The following OSBPL8 variants were observed in gnomAD, a reference collection of about 807,000 sequenced individuals.
The protein encoded by OSBPL8 is oxysterol-binding protein-related protein 8.
In OSBPL8, 59 loss-of-function variants were observed where a neutral mutation model predicts 125.5. The ratio of observed to expected loss-of-function variants is 0.47; its 90% CI spans 0.38 to 0.58. The LOEUF (loss-of-function observed/expected upper bound fraction) is 0.58, where lower values mean the gene tolerates loss of function less well. OSBPL8 is among the 20% of genes least tolerant of loss of function. OSBPL8 has a pLI of 0.00. For missense variants in OSBPL8, 758 were observed against 1,047.8 expected, an observed-to-expected ratio of 0.72 and a Z score of 3.82; for synonymous variants, 330 against 338.9, an observed-to-expected ratio of 0.97 and a Z score of 0.29.
intron 4 of OSBPL8, among the ~76,000 whole-genome samples, chr12:76,437,038 G>A (rs1871541681): frequency 1.3e-5 from 2 of 151,880 alleles, no homozygotes; most frequent in Admixed American, 1.3e-4. Flanking sequence ...GTACTCTATT[G>A]TATGAATATA....
chr12:76,354,151 T>C lies in OSBPL8; in HGVS notation c.*1738A>G, dbSNP rs1951907555. The C allele has an allele frequency of 6.6e-6, 1 of 152,422 alleles. No individual in the cohort carries two copies. The highest frequency in any genetic ancestry group is 1.5e-5 in the Non-Finnish European group (1 of 67,842). 9.4% of individuals were successfully genotyped at this position (152,422 alleles called of 1,614,324 possible). A position where few individuals can be genotyped will look rare whatever the true frequency, so the allele number is the denominator to read the frequency against. ...TGTAACAGAATGTGAATACAAAAATTATATTGACAAATATAAAATATAACC... is the reference window on the plus strand; with the variant it reads ...TGTAACAGAATGTGAATACAAAAATCATATTGACAAATATAAAATATAACC... On this transcript the variant is annotated 3_prime_UTR_variant, in exon 24 of 24. Coordinates refer to ENST00000261183, the MANE Select transcript of OSBPL8 (RefSeq NM_020841.5).
Position 76,356,264 on chromosome 12 carries a change from C to T in OSBPL8, c.2538-243G>A, listed in dbSNP as rs183787496. 1.1e-3 allele frequency among the ~76,000 whole-genome samples: 171 copies of T among 152,188 alleles called. 1 individual carries two copies. Among genetic ancestry groups the T allele is most frequent in the African/African-American group, 3.7e-3 (153 of 41,520 alleles). ...ATGTATTTCAATATTTCAACTGATG[C>T]ATTCCAATGAAATAACAGCCATGCA... On this transcript the variant is annotated intron_variant, in intron 23 of 23. Coordinates refer to ENST00000261183, the MANE Select transcript of OSBPL8 (RefSeq NM_020841.5).
At chr12:76,362,097 A>C (rs1176535503) in intron 21 of OSBPL8, among the ~76,000 whole-genome samples, 1 of 152,168 alleles carries the variant, frequency 6.6e-6, no homozygotes, top group Non-Finnish European at 1.5e-5. Context: ...TTTGGCCCAT[A>C]CTCCTACTTC....
chr12:76,386,188 T>C lies in OSBPL8; in HGVS notation c.1513A>G (p.Thr505Ala). 1 of 1,611,958 alleles carries C rather than the reference T, an allele frequency of 6.2e-7. No homozygotes were observed. The highest frequency in any genetic ancestry group is 8.5e-7 in the Non-Finnish European group (1 of 1,179,116). The change falls in exon 14 of 24, where the codon ACT becomes GCT. Residue 505 changes from threonine (T) to alanine (A), a missense_variant. This residue lies in a region of OSBPL8 where 572 missense variants were observed against 762.0 expected (regional missense o/e 0.75). Coordinates refer to ENST00000261183, the MANE Select transcript of OSBPL8 (RefSeq NM_020841.5). Reference sequence around the variant, plus strand: ...AATACCTGTTCAGCAATATAAAAAGTTTTGCTGTTTGTTCTGGGATGAATC... The same window carrying C: ...AATACCTGTTCAGCAATATAAAAAGCTTTGCTGTTTGTTCTGGGATGAATC... ...LWIHPRTNSK[T>A]FYIAEQVSHH...
At chr12:76,435,282 G>A (rs1037948817) in intron 4 of OSBPL8, among the ~76,000 whole-genome samples, 7 of 152,072 alleles carry the variant, frequency 4.6e-5, no homozygotes, top group African/African-American at 1.7e-4. Context: ...ATTATGCTAA[G>A]TGAAATAAGC....
chr12:76,518,348 C>G (rs1288969196), intron 1 of OSBPL8, among the ~76,000 whole-genome samples: 1 of 152,214 alleles, frequency 6.6e-6, no homozygotes, highest in Non-Finnish European at 1.5e-5. Context: ...CTCCCAAGGC[C>G]TTGGGCAGCT....
intron 1 of OSBPL8, among the ~76,000 whole-genome samples, chr12:76,511,484 C>T (rs140374810): frequency 6.6e-6 from 1 of 152,260 alleles, no homozygotes; most frequent in East Asian, 1.9e-4. Context: ...ATCAGTGATA[C>T]TGAGCTTTTT....
intron 21 of OSBPL8, 35 bp from the exon 22 acceptor site, chr12:76,358,846 C>G (rs1952091364): frequency 1.3e-6 from 2 of 1,560,480 alleles, no homozygotes; most frequent in East Asian, 4.5e-5. Flanking sequence ...TGAATTTGCA[C>G]TGTATTTTGG....
chr12:76,496,832 G>A (rs1035884916), intron 1 of OSBPL8, among the ~76,000 whole-genome samples: 1 of 152,148 alleles, frequency 6.6e-6, no homozygotes, highest in South Asian at 2.1e-4. Context: ...GTGAGCCACC[G>A]TGCGTGGCCT....
chr12:76,533,252 T>C (rs1232642978), intron 1 of OSBPL8, among the ~76,000 whole-genome samples: 1 of 152,156 alleles, frequency 6.6e-6, no homozygotes, highest in Non-Finnish European at 1.5e-5. Context: ...TATAACCATA[T>C]GCAAGAACCA....
At chr12:76,552,010 G>A (rs1950952802) in intron 1 of OSBPL8, among the ~76,000 whole-genome samples, 1 of 151,970 alleles carries the variant, frequency 6.6e-6, no homozygotes, top group African/African-American at 2.4e-5. Context: ...TATCCCTTAA[G>A]AGCCTAAACC....
chr12:76,520,507 A>T (rs918259097), intron 1 of OSBPL8, among the ~76,000 whole-genome samples: 6 of 152,182 alleles, frequency 3.9e-5, no homozygotes, highest in Non-Finnish European at 7.3e-5. Flanking sequence ...GACCTCATGG[A>T]CCTTACATGA....
chr12:76,518,411 G>A (rs1055818234), intron 1 of OSBPL8, among the ~76,000 whole-genome samples: 2 of 152,192 alleles, frequency 1.3e-5, no homozygotes, highest in Non-Finnish European at 2.9e-5. Flanking sequence ...TCACAGGTTG[G>A]ACTTGAGTGC....
chr12:76,451,154 G>A (rs1045091895), intron 3 of OSBPL8, among the ~76,000 whole-genome samples, 166 bp from the exon 4 acceptor site: 1 of 151,980 alleles, frequency 6.6e-6, no homozygotes, highest in Admixed American at 6.6e-5. Flanking sequence ...TTTTCATGTT[G>A]GTTTGTTACT....
chr12:76,380,965 A>G (rs982243188), intron 15 of OSBPL8, among the ~76,000 whole-genome samples: 4 of 152,168 alleles, frequency 2.6e-5, no homozygotes, highest in Non-Finnish European at 5.9e-5. Flanking sequence ...TCATTTTTCC[A>G]TATCTATCGA....
At chr12:76,529,329 T>C (rs1950269586) in intron 1 of OSBPL8, among the ~76,000 whole-genome samples, 1 of 152,162 alleles carries the variant, frequency 6.6e-6, no homozygotes, top group East Asian at 1.9e-4. Flanking sequence ...TGGGCACTTG[T>C]TACTATCCCC....
In OSBPL8 at chr12:76,465,004, G is replaced by A. The variant is rs548393760; in HGVS notation, c.43-5109C>T. 4.6e-5 allele frequency among the ~76,000 whole-genome samples: 7 copies of A among 152,166 alleles called. No individual in the cohort carries two copies. In the East Asian group the frequency reaches 5.8e-4, roughly 13 times the overall value. On this transcript the variant is annotated intron_variant, in intron 2 of 23. Transcript: ENST00000261183. ...TGCAGCTGAGAACTGTCTGTTCTTC[G>A]AACAGGAGTCATCACTCTACACTTA... is the stretch of plus-strand genomic sequence containing the variant.
chr12:76,439,617 T>C (rs932901236), intron 4 of OSBPL8, among the ~76,000 whole-genome samples: 3 of 152,184 alleles, frequency 2.0e-5, no homozygotes, highest in Non-Finnish European at 2.9e-5. Flanking sequence ...GATTTGTTTG[T>C]AAACCTGAGT....
intron 4 of OSBPL8, among the ~76,000 whole-genome samples, chr12:76,448,858 C>T (rs1171654800): frequency 6.6e-6 from 1 of 152,088 alleles, no homozygotes; most frequent in African/African-American, 2.4e-5. Flanking sequence ...ACTAAAAACA[C>T]AAAAATTAGC....
Sources: gnomAD v4.1 joint callset for allele counts (sites outside exome capture counted in the v4.1 genomes callset) on GRCh38, gnomAD v4.1.1 for gene constraint, gnomAD v4.1.1 regional missense constraint, MANE v1.5 for transcripts, NCBI Gene and HGNC (gene_info 2026-07-23, HGNC 2026-07-21) for gene names.